Variants in COL14A1 observed in about 807,000 individuals in gnomAD.
COL14A1 encodes the protein collagen type XIV alpha 1 chain.
COL14A1 carries 136 observed loss-of-function variants against 230.3 expected under a neutral mutation model. The ratio of observed to expected loss-of-function variants is 0.59; its 90% CI spans 0.51 to 0.68. The LOEUF is 0.68. COL14A1 is among the 30% of genes least tolerant of loss of function. The pLI is 0.00. For missense variants in COL14A1, 1,976 were observed against 2,215.8 expected, an observed-to-expected ratio of 0.89 and a Z score of 2.17; for synonymous variants, 792 against 784.1, an observed-to-expected ratio of 1.01 and a Z score of -0.17.
chr8:120,250,560 G>A (rs1689294144), intron 21 of COL14A1, 57 bp from the exon 22 acceptor site: 1 of 1,566,814 alleles, frequency 6.4e-7, no homozygotes, highest in African/African-American at 1.4e-5. Flanking sequence ...TGATCTAAGA[G>A]TGCTTCTATT....
chr8:120,277,702 A>C (rs73329015), intron 26 of COL14A1: 4,091 of 152,432 alleles, frequency 0.027, 186 homozygotes, highest in African/African-American at 0.093. Flanking sequence ...GTGGGAGCTA[A>C]ACATCGAGTA....
intron 45 of COL14A1, among the ~76,000 whole-genome samples, chr8:120,348,064 A>G (rs909123081): frequency 6.6e-6 from 1 of 152,022 alleles, no homozygotes; most frequent in Non-Finnish European, 1.5e-5. Context: ...TTATACAAAA[A>G]AGATATTTGC....
chr8:120,345,240 A>AT (rs778074901), intron 44 of COL14A1, 135 bp from the exon 45 acceptor site: 10 of 724,146 alleles, frequency 1.4e-5, no homozygotes, highest in Non-Finnish European at 2.2e-5. Flanking sequence ...AAATCAACAT[A>AT]TTTCAAAGGG....
chr8:120,275,421 A>G (rs1819808091), intron 26 of COL14A1, among the ~76,000 whole-genome samples: 1 of 151,946 alleles, frequency 6.6e-6, no homozygotes, highest in African/African-American at 2.4e-5. Flanking sequence ...TCTTCTGGAC[A>G]TTGACCTGGC....
chr8:120,355,867 G>A (rs763980677), intron 45 of COL14A1, among the ~76,000 whole-genome samples: 2 of 152,070 alleles, frequency 1.3e-5, no homozygotes, highest in African/African-American at 4.8e-5. Context: ...ATTTATATCT[G>A]GTTTATCTTA....
At chr8:120,327,217 A>G (rs1239526714) in intron 40 of COL14A1, among the ~76,000 whole-genome samples, 1 of 152,150 alleles carries the variant, frequency 6.6e-6, no homozygotes, top group Non-Finnish European at 1.5e-5. Flanking sequence ...CAGGTGAACT[A>G]CATCACCAGC....
At chr8:120,161,174 G>C (rs1481474467) in intron 3 of COL14A1, among the ~76,000 whole-genome samples, 1 of 152,130 alleles carries the variant, frequency 6.6e-6, no homozygotes, top group East Asian at 1.9e-4. Flanking sequence ...AGGCAGCCCA[G>C]ATAATAGCAG....
At chr8:120,206,598 C>T (rs1158559658) in intron 9 of COL14A1, among the ~76,000 whole-genome samples, 3 of 152,232 alleles carry the variant, frequency 2.0e-5, no homozygotes, top group Non-Finnish European at 2.9e-5. Context: ...ATCTGCCCGC[C>T]TCGGCCTCCC....
intron 21 of COL14A1, among the ~76,000 whole-genome samples, chr8:120,249,557 A>C (rs1818875496): frequency 1.3e-5 from 2 of 152,194 alleles, no homozygotes; most frequent in Non-Finnish European, 2.9e-5. Context: ...TTCTAAGCAC[A>C]AAAAGCTTTA....
At chr8:120,262,273 G>A (rs545185257) in intron 23 of COL14A1, among the ~76,000 whole-genome samples, 3 of 152,174 alleles carry the variant, frequency 2.0e-5, no homozygotes, top group Admixed American at 1.3e-4. Context: ...AGGAATTCGA[G>A]ACCAGCCTGG....
At position 120,283,671 on chromosome 8, in the gene COL14A1, C is replaced by G. The variant is rs1348133970; in HGVS notation, c.3860C>G (p.Thr1287Arg). 1 of 1,613,606 alleles carries G rather than the reference C, an allele frequency of 6.2e-7. No homozygotes were observed. Among genetic ancestry groups the G allele is most frequent in the South Asian group, 1.1e-5 (1 of 90,966 alleles). ...LHPEGLPSDYTISFLFRILPD... is the reference protein window; with the variant it reads ...LHPEGLPSDYRISFLFRILPD... Reference sequence around the variant, plus strand: ...CCAGAAGGATTGCCCTCCGACTACACAATCAGTTTTCTATTCCGGATTCTT... The same window carrying G: ...CCAGAAGGATTGCCCTCCGACTACAGAATCAGTTTTCTATTCCGGATTCTT... Residue 1287 changes from threonine to arginine, a missense_variant, in exon 32 of 48, where the codon ACA (threonine) becomes AGA (arginine). Physicochemically the swap from Thr to Arg is moderately conservative, Grantham distance 71. Transcript: ENST00000297848.
In COL14A1 at chr8:120,225,085, C is replaced by T. The variant is rs1214133006; in HGVS notation, c.1738-3C>T. 1.9e-6 allele frequency: 3 copies of T among 1,607,678 alleles called. No individual in the cohort carries two copies. The East Asian group carries it at 6.7e-5, about 36-fold the overall frequency. On this transcript the variant is annotated splice_region_variant and splice_polypyrimidine_tract_variant and intron_variant, in intron 14 of 47. Transcript: ENST00000297848. ...CTGTTATTATGACTTATTTCTTTGA[C>T]AGGTTGAAGTCGATCCTATTACTAC...
intron 5 of COL14A1, among the ~76,000 whole-genome samples, chr8:120,177,674 A>G (rs1472477228): frequency 3.7e-5 from 5 of 135,382 alleles, no homozygotes; most frequent in Non-Finnish European, 7.9e-5. Context: ...AAAAAAAAAG[A>G]CTGTATACAT....
chr8:120,232,200 T>C (rs2130819856), intron 19 of COL14A1: 1 of 152,364 alleles, frequency 6.6e-6, no homozygotes, highest in South Asian at 2.1e-4. Flanking sequence ...TTTTTATACA[T>C]TGAGTTTTCT....
intron 45 of COL14A1, among the ~76,000 whole-genome samples, chr8:120,349,761 T>C (rs2130310244): frequency 7.6e-6 from 1 of 131,900 alleles, no homozygotes; most frequent in Non-Finnish European, 1.6e-5. Flanking sequence ...TACATCTGAT[T>C]GGTTTACCTG....
At chr8:120,213,328 GAA>G (rs1817664275) in intron 13 of COL14A1, among the ~76,000 whole-genome samples, 1 of 152,094 alleles carries the variant, frequency 6.6e-6, no homozygotes, top group Non-Finnish European at 1.5e-5. Flanking sequence ...TGAAACATAA[GAA>G]AGTGCAGGGA....
intron 14 of COL14A1, among the ~76,000 whole-genome samples, chr8:120,221,560 G>GCGCACACA (rs1554610160): frequency 6.7e-6 from 1 of 149,294 alleles, no homozygotes; most frequent in East Asian, 2.0e-4. Flanking sequence ...ACACACACAT[G>GCGCACACA]CACACACACA....
rs577132614 is a variant in COL14A1 at position 120,194,826 on chromosome 8, G to T, written c.437-1965G>T. 5.9e-5 allele frequency among the ~76,000 whole-genome samples: 9 copies of T among 152,160 alleles called. No individual in the cohort carries two copies. The South Asian group carries it at 1.7e-3, about 28-fold the overall frequency. On this transcript the variant is annotated intron_variant, in intron 5 of 47. Transcript: ENST00000297848. ...TTCCCCATAAAAACAGAGAAAAATG[G>T]GTTCTTGAAGCTTAACCAGACTTCA...
chr8:120,168,083 G>A (rs1347292567), intron 4 of COL14A1, 78 bp from the exon 5 acceptor site: 1 of 977,920 alleles, frequency 1.0e-6, no homozygotes, highest in Admixed American at 2.2e-5. Context: ...GGGCTTTCAA[G>A]GGTTTTAGTA....
Sources: allele counts gnomAD v4.1 joint callset (sites outside exome capture counted in the v4.1 genomes callset), GRCh38; gene constraint gnomAD v4.1.1; transcripts MANE v1.5; gene names NCBI Gene and HGNC (gene_info 2026-07-23, HGNC 2026-07-21).